LYST: variants seen among roughly 807,000 people sequenced by gnomAD.
LYST encodes lysosomal-trafficking regulator.
A neutral mutation model predicts 413.6 loss-of-function variants in LYST; 192 were observed. That is an observed-to-expected ratio of 0.46 (90% confidence interval 0.41 to 0.52). LYST has a LOEUF of 0.52. LYST is among the 20% of genes least tolerant of loss of function. The pLI is 0.00. For missense variants in LYST, 3,815 were observed against 4,499.9 expected (o/e 0.85, Z 4.35); for synonymous variants, 1,525 against 1,567.3 (o/e 0.97, Z 0.64).
chr1:235,852,792 C>T (rs1678694801), intron 1 of LYST, among the ~76,000 whole-genome samples: 1 of 151,972 alleles, frequency 6.6e-6, no homozygotes, highest in African/African-American at 2.4e-5. Flanking sequence ...ACCATATCAC[C>T]TCCCTCAAAA....
At chr1:235,744,752 T>G (rs143922170) in intron 29 of LYST, among the ~76,000 whole-genome samples, 101 of 151,830 alleles carry the variant, frequency 6.7e-4, no homozygotes, top group African/African-American at 2.1e-3. Context: ...AATACAAAAA[T>G]TAGCCGGGCA....
chr1:235,733,740 T>G, intron 33 of LYST, 49 bp from the exon 34 acceptor site: 1 of 1,537,578 alleles, frequency 6.5e-7, no homozygotes, highest in Non-Finnish European at 9.0e-7. Flanking sequence ...TGGAACGTAT[T>G]TATCAGAACA....
intron 1 of LYST, among the ~76,000 whole-genome samples, chr1:235,859,300 A>G (rs1297159431): frequency 1.3e-5 from 2 of 151,940 alleles, no homozygotes; most frequent in East Asian, 1.9e-4. Context: ...TTCCTCTTCA[A>G]TGGTCCCTTT....
intron 50 of LYST, among the ~76,000 whole-genome samples, chr1:235,672,639 T>C (rs1300825623): frequency 6.6e-6 from 1 of 152,190 alleles, no homozygotes; most frequent in Non-Finnish European, 1.5e-5. Context: ...TGTAGAACTT[T>C]CCATTGTGAA....
chr1:235,702,778 G>T lies in LYST; in HGVS notation c.10343C>A (p.Thr3448Asn). 6.2e-7 allele frequency: 1 copy of T among 1,614,082 alleles called. No homozygotes were observed. Among genetic ancestry groups the T allele is most frequent in the Non-Finnish European group, 8.5e-7 (1 of 1,180,008 alleles). ...GGTGATTTCTTTGACCTGTTCTCGG[G>T]TCTCCCTGAAAGCAAACTGCACTAG... is the stretch of plus-strand genomic sequence containing the variant. ...GLLVQFAFRE[T>N]REQVKEITYP... Residue 3448 changes from threonine to asparagine, a missense_variant, in exon 45 of 53, where the codon ACC becomes AAC. Coordinates refer to ENST00000389793, the MANE Select transcript of LYST (RefSeq NM_000081.4).
intron 1 of LYST, among the ~76,000 whole-genome samples, chr1:235,879,204 G>A (rs375451892): frequency 6.6e-6 from 1 of 152,170 alleles, no homozygotes; most frequent in Non-Finnish European, 1.5e-5. Flanking sequence ...TATGAGGTGA[G>A]TATCCTACCC....
upstream of LYST, among the ~76,000 whole-genome samples, chr1:235,871,805 A>G (rs182415886): frequency 3.5e-4 from 53 of 152,322 alleles, no homozygotes; most frequent in African/African-American, 1.2e-3. Flanking sequence ...ATCTGCTCTC[A>G]GGGTCTGGGA....
chr1:235,795,233 G>A (rs1167088093), intron 10 of LYST, among the ~76,000 whole-genome samples: 1 of 152,172 alleles, frequency 6.6e-6, no homozygotes, highest in Non-Finnish European at 1.5e-5. Flanking sequence ...TCAGTACAGA[G>A]CACAGATAGT....
intron 1 of LYST, among the ~76,000 whole-genome samples, chr1:235,847,539 TAC>T (rs1678022077): frequency 6.6e-6 from 1 of 152,114 alleles, no homozygotes; most frequent in South Asian, 2.1e-4. Context: ...AATGGAACCA[TAC>T]CGCACATTTC....
rs989146359 is a variant in LYST, at chr1:235,674,070, G to A, written c.11038+3021C>T. Among the ~76,000 whole-genome samples, 7 of 152,084 alleles carry A rather than the reference G, an allele frequency of 4.6e-5. No individual in the cohort carries two copies. Among genetic ancestry groups the A allele is most frequent in the Admixed American group, 2.6e-4 (4 of 15,262 alleles). The stretch of plus-strand genomic sequence containing the variant: ...GGGCAATAAGGCATGCCAGTCTCTC[G>A]TTACTATTCCCAGAAGTTACAGGCT... On this transcript the variant is annotated intron_variant, in intron 50 of 52. Coordinates refer to ENST00000389793, the MANE Select transcript of LYST (RefSeq NM_000081.4). This position sits in a 1 kb window ranked among gnomAD's most constrained non-coding sequence, Gnocchi z 4.1.
intron 21 of LYST, among the ~76,000 whole-genome samples, chr1:235,763,574 C>T (rs1341287740): frequency 6.6e-6 from 1 of 152,188 alleles, no homozygotes; most frequent in African/African-American, 2.4e-5. Flanking sequence ...CCTCAGCCTC[C>T]CGAGTAGCTG....
chr1:235,750,889 C>T (rs1666425132), intron 28 of LYST, among the ~76,000 whole-genome samples: 1 of 152,080 alleles, frequency 6.6e-6, no homozygotes, highest in Non-Finnish European at 1.5e-5. Flanking sequence ...TGTAGATTGC[C>T]CTGTTATAAT....
chr1:235,766,227 T>G lies in LYST; in HGVS notation c.5973A>C (p.Ser1991=). Residue 1991 remains serine, a synonymous_variant, in exon 21 of 53, where the codon TCA becomes TCC. Transcript: ENST00000389793. Reference sequence around the variant, plus strand: ...GGACTTCTGCTATAATTTTCACAAATGATCTACAAACCTCTCGGGGCATGG... The same window carrying G: ...GGACTTCTGCTATAATTTTCACAAAGGATCTACAAACCTCTCGGGGCATGG... The part of the protein sequence containing the change: ...LTPMPREVCR[S]FVKIIAEVLG... 6.2e-7 allele frequency: 1 copy of G among 1,613,410 alleles called. No individual in the cohort carries two copies. Among genetic ancestry groups the G allele is most frequent in the Non-Finnish European group, 8.5e-7 (1 of 1,179,576 alleles).
chr1:235,870,777 C>T (rs1035309405), upstream of LYST, among the ~76,000 whole-genome samples: 2 of 152,152 alleles, frequency 1.3e-5, no homozygotes, highest in African/African-American at 4.8e-5. Context: ...CAGTGCCTGG[C>T]ACTTAGTAGG....
chr1:235,716,756 C>CTATAT lies in LYST; in HGVS notation c.9582_9583insATATA (p.Val3195IlefsTer2), dbSNP rs778352073. Reference sequence around the variant, plus strand: ...CGATCTTCTTTTTCTTTATACTGAACAGCTATAGGTTTAGAGAGATTTCTG... The same window carrying CTATAT: ...CGATCTTCTTTTTCTTTATACTGAACTATATAGCTATAGGTTTAGAGAGATTTCTG... On this transcript the variant is annotated frameshift_variant, in exon 41 of 53. Transcript: ENST00000389793. LOFTEE classifies it high-confidence loss of function. 6.3e-7 allele frequency: 1 copy of CTATAT among 1,593,548 alleles called. No homozygotes were observed. The highest frequency in any genetic ancestry group is 8.6e-7 in the Non-Finnish European group (1 of 1,162,000).
At chr1:235,851,076 G>A (rs1214218499) in intron 1 of LYST, among the ~76,000 whole-genome samples, 1 of 152,044 alleles carries the variant, frequency 6.6e-6, no homozygotes, top group African/African-American at 2.4e-5. Flanking sequence ...ACTTACACAC[G>A]TTTATAGCAG....
At chr1:235,719,769 G>A (rs151022866) in intron 40 of LYST, among the ~76,000 whole-genome samples, 6 of 152,086 alleles carry the variant, frequency 3.9e-5, no homozygotes, top group East Asian at 1.9e-4. Flanking sequence ...CAAACCAAAC[G>A]ACGTCATGGG....
At position 235,806,645 on chromosome 1, in the gene LYST, G is replaced by A; in HGVS notation, c.2491C>T (p.Gln831Ter). ...ATATCTGGAACTGAGGCATCTTTCT[G>A]TTGCTCCCCTAGGCTGATTATCAGA... ...ETLIISLGEQQKDASVPDIDG... is the reference protein window; with the variant it reads ...ETLIISLGEQ The change falls in exon 6 of 53, where the codon CAG (glutamine) becomes TAG (stop). Residue 831 changes from glutamine (Q) to a stop codon, truncating the protein, a stop_gained. Coordinates refer to ENST00000389793, the MANE Select transcript of LYST (RefSeq NM_000081.4). LOFTEE classifies it high-confidence loss of function. 1 of 1,614,010 alleles carries A rather than the reference G, an allele frequency of 6.2e-7. No individual in the cohort carries two copies.
At chr1:235,855,892 C>T (rs1022431621) in intron 1 of LYST, among the ~76,000 whole-genome samples, 2 of 151,958 alleles carry the variant, frequency 1.3e-5, no homozygotes, top group African/African-American at 4.8e-5. Context: ...TTGAGGCAGT[C>T]AATTACAGAA....
Sources: gnomAD v4.1 joint callset for allele counts (sites outside exome capture counted in the v4.1 genomes callset) on GRCh38, gnomAD v4.1.1 for gene constraint, Gnocchi (gnomAD v3.1) non-coding constraint, MANE v1.5 for transcripts, NCBI Gene and HGNC (gene_info 2026-07-23, HGNC 2026-07-21) for gene names.